The following ENTHD1 variants were observed in gnomAD, a reference collection of about 807,000 sequenced individuals.
ENTHD1 encodes the protein ENTH domain containing 1.
A neutral mutation model predicts 39.1 loss-of-function variants in ENTHD1; 23 were observed. That is an observed-to-expected ratio of 0.59 (90% CI 0.42 to 0.83). The LOEUF (loss-of-function observed/expected upper bound fraction) is 0.83. Among genes scored for constraint, ENTHD1 ranks in the 40% least tolerant of loss-of-function variants. ENTHD1 has a pLI of 0.00. For synonymous variants in ENTHD1, 230 were observed against 258.2 expected, an observed-to-expected ratio of 0.89 and a Z score of 1.05; for missense variants, 624 against 705.4, an observed-to-expected ratio of 0.88 and a Z score of 1.31.
At chr22:39,774,092 G>C (rs2065348830) in intron 5 of ENTHD1, among the ~76,000 whole-genome samples, 1 of 152,162 alleles carries the variant, frequency 6.6e-6, no homozygotes, top group Non-Finnish European at 1.5e-5. Context: ...CAGACGTCTT[G>C]ACAGACAGGA....
At chr22:39,821,490 A>T (rs2065782951) in intron 4 of ENTHD1, among the ~76,000 whole-genome samples, 1 of 152,206 alleles carries the variant, frequency 6.6e-6, no homozygotes, top group Admixed American at 6.5e-5. Context: ...ACTTTTTATC[A>T]CCAAGTAAAA....
chr22:39,796,462 G>T lies in ENTHD1; in HGVS notation c.832+24531C>A, dbSNP rs2065550749. Reference sequence around the variant, plus strand: ...TTTTTGTAGAGATGGTGGAGGTGGGGTCTCACTTTGTTGCCCAGACTGATC... The same window carrying T: ...TTTTTGTAGAGATGGTGGAGGTGGGTTCTCACTTTGTTGCCCAGACTGATC... On this transcript the variant is annotated intron_variant, in intron 5 of 6. Transcript: ENST00000325157. 2.0e-5 allele frequency among the ~76,000 whole-genome samples: 3 copies of T among 151,936 alleles called. No homozygotes were observed. In the South Asian group the frequency reaches 6.2e-4, roughly 32 times the overall value.
chr22:39,889,979 T>A (rs1211013689), intron 1 of ENTHD1, among the ~76,000 whole-genome samples: 1 of 151,894 alleles, frequency 6.6e-6, no homozygotes, highest in Admixed American at 6.6e-5. Flanking sequence ...ACACCTGTAA[T>A]CCCAGCTACT....
intron 2 of ENTHD1, among the ~76,000 whole-genome samples, chr22:39,872,198 A>G (rs940692528): frequency 2.0e-5 from 3 of 152,042 alleles, no homozygotes; most frequent in African/African-American, 7.2e-5. Context: ...CCCCAAATCC[A>G]TCCCTTCTGT....
In ENTHD1 at chr22:39,888,412, T is replaced by C. The variant is rs1049136708; in HGVS notation, c.-155-509A>G. Among the ~76,000 whole-genome samples, 6 of 151,444 alleles carry C rather than the reference T, an allele frequency of 4.0e-5. No individual in the cohort carries two copies. In the East Asian group the frequency reaches 1.2e-3, roughly 29 times the overall value. On this transcript the variant is annotated intron_variant, in intron 1 of 6. Transcript: ENST00000325157. ...CCTCCCAAGCAGCTGGAACTATAGG[T>C]GTGCGCCACCATGCCTGGCTATTTT...
At chr22:39,774,580 C>T (rs1019961448) in intron 5 of ENTHD1, among the ~76,000 whole-genome samples, 2 of 152,180 alleles carry the variant, frequency 1.3e-5, no homozygotes, top group Non-Finnish European at 2.9e-5. Flanking sequence ...CTTACCCCCT[C>T]AGTCCACTCT....
chr22:39,744,161 T>C lies in ENTHD1; in HGVS notation c.1342A>G (p.Thr448Ala), dbSNP rs143498985. 160 of 1,613,806 alleles carry C rather than the reference T, an allele frequency of 9.9e-5. No individual in the cohort carries two copies. In the African/African-American group the frequency reaches 1.9e-3, roughly 19 times the overall value. ...GAAGACAACTGTTGATGGGACAGAG[T>C]CCAGAAGGAAGGTCCGGCCAGAATT... ...SPILAGPSFW[T>A]LSHQQLSSTS... The change falls in exon 7 of 7, where the codon ACT (threonine) becomes GCT (alanine). Residue 448 changes from threonine to alanine, a missense_variant. Physicochemically the swap from Thr to Ala is moderately conservative, Grantham distance 58. Transcript: ENST00000325157.
intron 5 of ENTHD1, among the ~76,000 whole-genome samples, chr22:39,777,642 T>A (rs1241524368): frequency 6.6e-6 from 1 of 152,204 alleles, no homozygotes; most frequent in Non-Finnish European, 1.5e-5. Flanking sequence ...GTAACTTGCT[T>A]CTTCTATAAA....
At chr22:39,798,833 G>A (rs947135761) in intron 5 of ENTHD1, among the ~76,000 whole-genome samples, 42 of 152,224 alleles carry the variant, frequency 2.8e-4, no homozygotes, top group African/African-American at 1.0e-3. Context: ...GACAACCGTT[G>A]GTCTCCAAAG....
At chr22:39,890,674 C>G (rs2066419674) in intron 1 of ENTHD1, among the ~76,000 whole-genome samples, 1 of 151,950 alleles carries the variant, frequency 6.6e-6, no homozygotes, top group Admixed American at 6.6e-5. Context: ...AGAAAAATAT[C>G]AAAATAATAG....
chr22:39,775,970 T>G (rs1353232537), intron 5 of ENTHD1, among the ~76,000 whole-genome samples: 2 of 152,144 alleles, frequency 1.3e-5, no homozygotes, highest in African/African-American at 4.8e-5. Context: ...CGATCATGGC[T>G]TACTGCAGCC....
chr22:39,797,390 T>C (rs2065559283), intron 5 of ENTHD1, among the ~76,000 whole-genome samples: 1 of 152,250 alleles, frequency 6.6e-6, no homozygotes. Context: ...TGAGGACTTA[T>C]TTGTCTTTTT....
intron 4 of ENTHD1, among the ~76,000 whole-genome samples, chr22:39,823,923 C>T (rs1309984917): frequency 2.6e-5 from 4 of 152,244 alleles, no homozygotes; most frequent in East Asian, 3.9e-4. Flanking sequence ...ACTTTTCGTG[C>T]GCTTACTTAC....
intron 5 of ENTHD1, among the ~76,000 whole-genome samples, chr22:39,784,543 T>TAC (rs3044403): frequency 0.1 from 14,625 of 142,240 alleles, 1,430 homozygotes; most frequent in African/African-American, 0.27. Context: ...TCTCTCTGTA[T>TAC]ACACACACAC....
At chr22:39,823,248 G>A (rs2065796497) in intron 4 of ENTHD1, among the ~76,000 whole-genome samples, 2 of 152,040 alleles carry the variant, frequency 1.3e-5, no homozygotes, top group African/African-American at 4.8e-5. Context: ...ATGTAACATA[G>A]TTTAACCTGT....
chr22:39,844,911 C>G (rs742209), intron 3 of ENTHD1, among the ~76,000 whole-genome samples: 9,193 of 152,120 alleles, frequency 0.06, 392 homozygotes, highest in South Asian at 0.13. Context: ...GGCGAAGGAT[C>G]TAAAGCTTGA....
intron 3 of ENTHD1, among the ~76,000 whole-genome samples, chr22:39,839,827 A>C (rs776309284): frequency 1.1e-4 from 16 of 152,242 alleles, no homozygotes; most frequent in Non-Finnish European, 2.2e-4. Flanking sequence ...TTTTGAAGTA[A>C]ATTTTGAGAG....
intron 5 of ENTHD1, among the ~76,000 whole-genome samples, chr22:39,773,584 T>C (rs2065344406): frequency 6.6e-6 from 1 of 152,210 alleles, no homozygotes; most frequent in Admixed American, 6.5e-5. Flanking sequence ...TATTGAATGG[T>C]AATTATACCT....
intron 2 of ENTHD1, among the ~76,000 whole-genome samples, chr22:39,876,531 AAAAG>A (rs1201358350): frequency 6.6e-6 from 1 of 151,622 alleles, no homozygotes; most frequent in East Asian, 1.9e-4. Flanking sequence ...AAAAAAAAAA[AAAAG>A]AAATTCAAAA....
Sources: gnomAD v4.1 joint callset for allele counts (sites outside exome capture counted in the v4.1 genomes callset) on GRCh38, gnomAD v4.1.1 for gene constraint, MANE v1.5 for transcripts, NCBI Gene and HGNC (gene_info 2026-07-23, HGNC 2026-07-21) for gene names.